Variants in GALNTL6 observed in about 807,000 individuals in gnomAD.
GALNTL6 encodes the protein polypeptide N-acetylgalactosaminyltransferase like 6.
Under a neutral mutation model 73.7 loss-of-function variants are expected in GALNTL6, and 46 were observed. That is an observed-to-expected ratio of 0.62 (90% CI 0.49 to 0.80). The LOEUF (loss-of-function observed/expected upper bound fraction) is 0.80. Ranked by LOEUF, GALNTL6 falls within the 30% of genes least tolerant of loss-of-function variation. The pLI is 0.00. For missense variants in GALNTL6, 604 were observed against 755.0 expected, an observed-to-expected ratio of 0.80 and a Z score of 2.34; for synonymous variants, 259 against 263.7, an observed-to-expected ratio of 0.98 and a Z score of 0.17.
chr4:172,502,027 G>C (rs1734278880), intron 5 of GALNTL6, among the ~76,000 whole-genome samples: 1 of 152,108 alleles, frequency 6.6e-6, no homozygotes, highest in Non-Finnish European at 1.5e-5. Context: ...CACTTTATGG[G>C]AGTAATAGAT....
intron 5 of GALNTL6, among the ~76,000 whole-genome samples, chr4:172,528,991 G>GTATATA (rs201902330): frequency 3.1e-5 from 3 of 96,660 alleles, no homozygotes; most frequent in African/African-American, 1.1e-4. Context: ...ACATATGTGT[G>GTATATA]TATATATATA....
chr4:171,832,496 GAGAT>G (rs1009292684), intron 2 of GALNTL6, among the ~76,000 whole-genome samples: 74 of 151,478 alleles, frequency 4.9e-4, no homozygotes, highest in African/African-American at 1.6e-3. Flanking sequence ...GATAGGTAGA[GAGAT>G]AGATAGATAG....
intron 2 of GALNTL6, among the ~76,000 whole-genome samples, chr4:172,024,405 A>AT (rs36019493): frequency 6.6e-6 from 1 of 151,752 alleles, no homozygotes; most frequent in Admixed American, 6.6e-5. Context: ...TTTAATTAGC[A>AT]TTTTTTCTAT....
intron 5 of GALNTL6, among the ~76,000 whole-genome samples, chr4:172,688,468 A>G (rs1185335786): frequency 6.6e-6 from 1 of 152,198 alleles, no homozygotes; most frequent in Admixed American, 6.5e-5. Context: ...AGTTGTCACC[A>G]TTTGTGTTGC....
intron 5 of GALNTL6, among the ~76,000 whole-genome samples, chr4:172,637,013 T>C (rs1216592754): frequency 6.6e-6 from 1 of 152,124 alleles, no homozygotes; most frequent in African/African-American, 2.4e-5. Flanking sequence ...CAGTAAAACA[T>C]ATTTCCAAAC....
At chr4:171,924,965 G>A (rs915552941) in intron 2 of GALNTL6, among the ~76,000 whole-genome samples, 1 of 152,164 alleles carries the variant, frequency 6.6e-6, no homozygotes, top group African/African-American at 2.4e-5. Flanking sequence ...TTAGAAGCTG[G>A]AAAACTCCGT....
At chr4:172,212,139 A>G (rs564397957) in intron 2 of GALNTL6, among the ~76,000 whole-genome samples, 1 of 152,122 alleles carries the variant, frequency 6.6e-6, no homozygotes, top group Non-Finnish European at 1.5e-5. Flanking sequence ...TTCCATTCTG[A>G]AATTCCCTGA....
intron 11 of GALNTL6, among the ~76,000 whole-genome samples, chr4:173,009,954 T>C (rs1395094984): frequency 6.6e-6 from 1 of 152,230 alleles, no homozygotes; most frequent in Non-Finnish European, 1.5e-5. Flanking sequence ...AATCACATCA[T>C]GTAAAATGGT....
intron 5 of GALNTL6, among the ~76,000 whole-genome samples, chr4:172,716,835 G>A (rs114988628): frequency 6.6e-6 from 1 of 152,194 alleles, no homozygotes; most frequent in African/African-American, 2.4e-5. Context: ...CTATGGAAAA[G>A]ACAATTTAGT....
chr4:171,862,580 A>G (rs1339102655), intron 2 of GALNTL6, among the ~76,000 whole-genome samples: 1 of 152,118 alleles, frequency 6.6e-6, no homozygotes, highest in Admixed American at 6.6e-5. Context: ...AATGAGATGA[A>G]TAGACTAGAC....
At chr4:172,789,026 C>G (rs1158755914) in intron 5 of GALNTL6, among the ~76,000 whole-genome samples, 1 of 152,076 alleles carries the variant, frequency 6.6e-6, no homozygotes, top group Non-Finnish European at 1.5e-5. Flanking sequence ...ACATCTGTGA[C>G]GAAATGTGGG....
chr4:172,188,876 A>C (rs1003890559), intron 2 of GALNTL6, among the ~76,000 whole-genome samples: 3 of 152,220 alleles, frequency 2.0e-5, no homozygotes, highest in African/African-American at 7.2e-5. Flanking sequence ...TGAGCAACAC[A>C]GGACAGTGTA....
intron 5 of GALNTL6, among the ~76,000 whole-genome samples, chr4:172,518,031 A>G (rs1242491935): frequency 1.3e-5 from 2 of 151,948 alleles, no homozygotes; most frequent in Admixed American, 6.6e-5. Context: ...AACAGTCTCA[A>G]TGTCACATAT....
At chr4:172,346,234 T>C (rs1160776306) in intron 4 of GALNTL6, among the ~76,000 whole-genome samples, 2 of 152,260 alleles carry the variant, frequency 1.3e-5, no homozygotes, top group Non-Finnish European at 2.9e-5. Context: ...AATTGACAGA[T>C]AGATGTGTAT....
At chr4:171,993,376 G>C (rs1025371347) in intron 2 of GALNTL6, among the ~76,000 whole-genome samples, 1 of 151,294 alleles carries the variant, frequency 6.6e-6, no homozygotes, top group African/African-American at 2.4e-5. Flanking sequence ...ATGCTAACAG[G>C]ACACATGTTA....
intron 2 of GALNTL6, among the ~76,000 whole-genome samples, chr4:172,226,427 G>A (rs1736868992): frequency 6.6e-6 from 1 of 151,904 alleles, no homozygotes; most frequent in South Asian, 2.1e-4. Flanking sequence ...CATTGTTTTT[G>A]TTTCTTATAG....
intron 11 of GALNTL6, among the ~76,000 whole-genome samples, chr4:173,011,184 T>G (rs1752538832): frequency 6.6e-6 from 1 of 152,232 alleles, no homozygotes; most frequent in African/African-American, 2.4e-5. Context: ...TAAAATCTTC[T>G]GCCAATTTTT....
At chr4:172,246,706 A>G (rs562621433) in intron 3 of GALNTL6, among the ~76,000 whole-genome samples, 5 of 151,712 alleles carry the variant, frequency 3.3e-5, no homozygotes, top group East Asian at 1.9e-4. Flanking sequence ...CAAAAACTCT[A>G]TGAGGCGTAA....
At chr4:172,043,258 C>T (rs1742136959) in intron 2 of GALNTL6, among the ~76,000 whole-genome samples, 1 of 151,884 alleles carries the variant, frequency 6.6e-6, no homozygotes, top group Non-Finnish European at 1.5e-5. Flanking sequence ...ACAGTATCTT[C>T]TTCATAAAGT....
Sources: gnomAD v4.1 joint callset for allele counts (sites outside exome capture counted in the v4.1 genomes callset) on GRCh38, gnomAD v4.1.1 for gene constraint, MANE v1.5 for transcripts, NCBI Gene and HGNC (gene_info 2026-07-23, HGNC 2026-07-21) for gene names.